The following ARSJ variants were observed in gnomAD, a reference collection of about 807,000 sequenced individuals.
The protein encoded by ARSJ is arylsulfatase family member J.
Under a neutral mutation model 35.9 loss-of-function variants are expected in ARSJ, and 26 were observed. The observed-to-expected ratio is 0.72, with a 90% CI of 0.53 to 1.00. The LOEUF (loss-of-function observed/expected upper bound fraction) is 1.00. Ranked by LOEUF, ARSJ falls within the 50% of genes least tolerant of loss-of-function variation. The pLI, the probability that ARSJ is intolerant of heterozygous loss-of-function variation, is 0.00. For missense variants in ARSJ, 667 were observed against 723.6 expected, an observed-to-expected ratio of 0.92 and a Z score of 0.90; for synonymous variants, 294 against 267.6, an observed-to-expected ratio of 1.10 and a Z score of -0.96.
chr4:113,943,449 G>A (rs1725283809), intron 1 of ARSJ: 1 of 151,858 alleles, frequency 6.6e-6, no homozygotes, highest in Non-Finnish European at 1.5e-5. Context: ...CATTTTCCTG[G>A]GATTGACCTC....
Position 113,926,873 on chromosome 4 carries a change from C to T in ARSJ, c.399-23198G>A, listed in dbSNP as rs181781960. On this transcript the variant is annotated intron_variant, in intron 1 of 1. Transcript: ENST00000315366. The stretch of plus-strand genomic sequence containing the variant: ...TGTTATCTGCAGAAGACGGCAGGGT[C>T]CTGCTCCAAAATCCTAGAGGCCTCT... Among the ~76,000 whole-genome samples, 8 of 152,134 alleles carry T rather than the reference C, an allele frequency of 5.3e-5. No individual in the cohort carries two copies. The East Asian group carries it at 9.7e-4, about 18-fold the overall frequency.
chr4:113,901,892 TG>T lies in ARSJ; in HGVS notation c.*381del. ...TCCATCAAATTAGCATGCTTGCGGA[TG>T]GTATACCCTGTAACTTCCATCAAAT... is the stretch of plus-strand genomic sequence containing the variant. On this transcript the variant is annotated 3_prime_UTR_variant, in exon 2 of 2. Coordinates refer to ENST00000315366, the MANE Select transcript of ARSJ (RefSeq NM_024590.4). The T allele has an allele frequency of 4.9e-5, 2 of 41,144 alleles. No individual in the cohort carries two copies. The highest frequency in any genetic ancestry group is 2.1e-4 in the Non-Finnish European group (2 of 9,742). 2.5% of individuals were successfully genotyped at this position (41,144 alleles called of 1,614,324 possible). A position where few individuals can be genotyped will look rare whatever the true frequency, so the allele number is the denominator to read the frequency against.
At chr4:113,929,030 C>T (rs1214665067) in intron 1 of ARSJ, among the ~76,000 whole-genome samples, 3 of 152,056 alleles carry the variant, frequency 2.0e-5, no homozygotes, top group African/African-American at 7.2e-5. Context: ...TTTGACTCAT[C>T]GAGCTGCAAC....
At chr4:113,925,816 T>A (rs1276161748) in intron 1 of ARSJ, among the ~76,000 whole-genome samples, 1 of 152,184 alleles carries the variant, frequency 6.6e-6, no homozygotes, top group Non-Finnish European at 1.5e-5. Flanking sequence ...CTTTACATGA[T>A]GCAAGAAGTC....
chr4:113,913,447 G>A (rs921218795), intron 1 of ARSJ, among the ~76,000 whole-genome samples: 1 of 151,282 alleles, frequency 6.6e-6, no homozygotes, highest in Non-Finnish European at 1.5e-5. Context: ...CTCTTTTTTG[G>A]AATTATTTAT....
chr4:113,936,175 T>A (rs765447959), intron 1 of ARSJ, among the ~76,000 whole-genome samples: 1 of 151,866 alleles, frequency 6.6e-6, no homozygotes, highest in African/African-American at 2.4e-5. Context: ...ATAGTGTAAC[T>A]CAAATGGTGC....
chr4:113,974,677 G>T (rs1382040226), intron 1 of ARSJ, among the ~76,000 whole-genome samples: 1 of 152,108 alleles, frequency 6.6e-6, no homozygotes, highest in African/African-American at 2.4e-5. Context: ...ACTAAATGTT[G>T]ACAAAGATGT....
At chr4:113,971,082 G>T (rs1375292336) in intron 1 of ARSJ, 1 of 151,776 alleles carries the variant, frequency 6.6e-6, no homozygotes, top group African/African-American at 2.4e-5. Flanking sequence ...CCTCAATGAG[G>T]TAACACCACT....
At chr4:113,965,649 A>C (rs150874435) in intron 1 of ARSJ, among the ~76,000 whole-genome samples, 1 of 152,104 alleles carries the variant, frequency 6.6e-6, no homozygotes, top group Non-Finnish European at 1.5e-5. Context: ...GGTAATGTAC[A>C]TAAGGTATAT....
At chr4:113,943,128 A>G in intron 1 of ARSJ, 1 of 152,046 alleles carries the variant, frequency 6.6e-6, no homozygotes, top group Non-Finnish European at 1.5e-5. Context: ...ACTTTAATTA[A>G]GAGGAGCCAG....
At chr4:113,964,103 G>T (rs77713090) in intron 1 of ARSJ, among the ~76,000 whole-genome samples, 10 of 151,926 alleles carry the variant, frequency 6.6e-5, no homozygotes, top group African/African-American at 2.4e-4. Flanking sequence ...GCAAATCTCA[G>T]ACTATTGATC....
chr4:113,905,660 ATTTTTTTT>A (rs766150372), intron 1 of ARSJ, among the ~76,000 whole-genome samples: 76 of 81,856 alleles, frequency 9.3e-4, no homozygotes, highest in Non-Finnish European at 1.2e-3. Context: ...GTTCTTGATA[ATTTTTTTT>A]TTTTTTTTTT....
chr4:113,912,842 ATAAT>A (rs1192472535), intron 1 of ARSJ, among the ~76,000 whole-genome samples: 1 of 152,064 alleles, frequency 6.6e-6, no homozygotes, highest in Non-Finnish European at 1.5e-5. Context: ...TGGGAACATA[ATAAT>A]TGTGGGAGGA....
At chr4:113,976,109 T>C (rs532792821) in intron 1 of ARSJ, among the ~76,000 whole-genome samples, 4 of 152,296 alleles carry the variant, frequency 2.6e-5, no homozygotes, top group Non-Finnish European at 4.4e-5. Context: ...TTGTTACAGA[T>C]TCGTGTAGTA....
At chr4:113,975,702 G>A (rs1727549234) in intron 1 of ARSJ, among the ~76,000 whole-genome samples, 1 of 152,106 alleles carries the variant, frequency 6.6e-6, no homozygotes, top group African/African-American at 2.4e-5. Flanking sequence ...GTTGTTGCAA[G>A]GATTAAATGA....
chr4:113,960,553 A>G (rs929472736), intron 1 of ARSJ, among the ~76,000 whole-genome samples: 3 of 152,094 alleles, frequency 2.0e-5, no homozygotes, highest in African/African-American at 7.2e-5. Context: ...CATCAAAATG[A>G]CAGCTATAAT....
At chr4:113,905,688 T>TTTTTA (rs1562331365) in intron 1 of ARSJ, among the ~76,000 whole-genome samples, 2 of 142,380 alleles carry the variant, frequency 1.4e-5, no homozygotes, top group South Asian at 2.3e-4. Flanking sequence ...TTTTTTTTTT[T>TTTTTA]AGACAGTCTC....
intron 1 of ARSJ, among the ~76,000 whole-genome samples, chr4:113,949,407 A>G (rs1248628064): frequency 6.6e-6 from 1 of 152,082 alleles, no homozygotes; most frequent in African/African-American, 2.4e-5. Context: ...TCTGGCTAGA[A>G]TTGAAGATCT....
intron 1 of ARSJ, among the ~76,000 whole-genome samples, chr4:113,967,113 T>C (rs1726942988): frequency 6.6e-6 from 1 of 152,190 alleles, no homozygotes; most frequent in African/African-American, 2.4e-5. Context: ...GGAGAGAGAA[T>C]TCATTGTTAT....
Sources: gnomAD v4.1 joint callset for allele counts (sites outside exome capture counted in the v4.1 genomes callset) on GRCh38, gnomAD v4.1.1 for gene constraint, MANE v1.5 for transcripts, NCBI Gene and HGNC (gene_info 2026-07-23, HGNC 2026-07-21) for gene names.